The following NHS variants were observed in gnomAD, a reference collection of about 807,000 sequenced individuals.
The protein encoded by NHS is NHS actin remodeling regulator, also known as actin remodeling regulator NHS.
Under a neutral mutation model 72.5 loss-of-function variants are expected in NHS, and 5 were observed. The observed-to-expected ratio is 0.07, with a 90% CI of 0.04 to 0.14. The LOEUF (loss-of-function observed/expected upper bound fraction) is 0.14. Ranked by LOEUF, NHS falls within the 10% of genes least tolerant of loss-of-function variation. NHS has a pLI of 1.00. For missense variants in NHS, 1,072 were observed against 1,355.7 expected (o/e 0.79, Z 3.29); for synonymous variants, 464 against 547.7 (o/e 0.85, Z 2.13).
chrX:17,573,780 C>A (rs2065494758), intron 1 of NHS, among the ~76,000 whole-genome samples: 1 of 111,478 alleles, frequency 9.0e-6, no homozygotes, highest in Non-Finnish European at 1.9e-5. Context: ...GAATTTTCAG[C>A]CTTTCTGCTC....
At chrX:17,556,221 A>G (rs970797535) in intron 1 of NHS, among the ~76,000 whole-genome samples, 1 of 112,820 alleles carries the variant, frequency 8.9e-6, no homozygotes, top group African/African-American at 3.2e-5. Context: ...GATTGTTCCT[A>G]GAATTCTGAG....
intron 1 of NHS, among the ~76,000 whole-genome samples, chrX:17,499,866 C>T (rs775167261): frequency 1.2e-4 from 13 of 111,688 alleles, no homozygotes; most frequent in East Asian, 5.7e-4. Context: ...AAAGGGGATC[C>T]GGGTGGGGCA....
chrX:17,639,372 G>A (rs972659275), intron 1 of NHS, among the ~76,000 whole-genome samples: 1 of 111,573 alleles, frequency 9.0e-6, no homozygotes, highest in Non-Finnish European at 1.9e-5. Flanking sequence ...ACCACAGACT[G>A]GGTAATTTAT....
rs758791160 is a variant in NHS, at chrX:17,423,611, A to G, written c.565+47289A>G. Among the ~76,000 whole-genome samples the G allele has an allele frequency of 6.3e-5, 7 of 111,753 alleles. No individual in the cohort carries two copies. The East Asian group carries it at 1.7e-3, about 27-fold the overall frequency. ...TGAGTGGGCATCAAAGACACCAGGA[A>G]GGATCCCAGCCCAGTTTCTGGCAAT... On this transcript the variant is annotated intron_variant, in intron 1 of 8. Coordinates refer to ENST00000676302, the MANE Select transcript of NHS (RefSeq NM_001291867.2).
At chrX:17,554,735 C>T (rs1046126721) in intron 1 of NHS, among the ~76,000 whole-genome samples, 2 of 112,513 alleles carry the variant, frequency 1.8e-5, no homozygotes, top group African/African-American at 6.5e-5. Context: ...GTTGTCCCAA[C>T]CAAATGATTC....
At chrX:17,482,277 G>A (rs1486195593) in intron 1 of NHS, among the ~76,000 whole-genome samples, 1 of 111,557 alleles carries the variant, frequency 9.0e-6, no homozygotes, top group African/African-American at 3.3e-5. Flanking sequence ...GACATCTCAG[G>A]GCTTTTTTAG....
At chrX:17,714,888 A>G (rs975528406) in intron 3 of NHS, among the ~76,000 whole-genome samples, 1 of 112,470 alleles carries the variant, frequency 8.9e-6, no homozygotes, top group African/African-American at 3.2e-5. Context: ...TTCTTAGATA[A>G]TTTAGAAAAA....
rs1386162957 is a variant in NHS, at chrX:17,541,166, T to G, written c.566-146576T>G. On this transcript the variant is annotated intron_variant, in intron 1 of 8. Transcript: ENST00000676302. ...CCATGTGACTTTCTCCACAATGCCA[T>G]GTGATAGACACTGCCATTGTTCTCA... Among the ~76,000 whole-genome samples the G allele has an allele frequency of 1.8e-5, 2 of 112,327 alleles. 1 individual carries two copies. Among genetic ancestry groups the G allele is most frequent in the South Asian group, 7.5e-4 (2 of 2,677 alleles).
At chrX:17,475,400 A>G (rs2146905955) in intron 1 of NHS, among the ~76,000 whole-genome samples, 1 of 112,751 alleles carries the variant, frequency 8.9e-6, no homozygotes, top group Admixed American at 9.4e-5. Flanking sequence ...GTTCTTTCAG[A>G]TAATGACCTG....
chrX:17,662,955 A>G (rs1212112125), intron 1 of NHS, among the ~76,000 whole-genome samples: 1 of 111,877 alleles, frequency 8.9e-6, no homozygotes, highest in Non-Finnish European at 1.9e-5. Flanking sequence ...CTGTGTTTGC[A>G]ATGGTGTTGA....
intron 1 of NHS, among the ~76,000 whole-genome samples, chrX:17,539,659 CAG>C (rs767642132): frequency 3.6e-5 from 4 of 111,490 alleles, no homozygotes; most frequent in Non-Finnish European, 5.6e-5. Flanking sequence ...GTAGACAGAA[CAG>C]AGGCTTTGGA....
intron 1 of NHS, among the ~76,000 whole-genome samples, chrX:17,435,292 G>T (rs2064716409): frequency 1.8e-5 from 2 of 111,895 alleles, no homozygotes; most frequent in Non-Finnish European, 1.9e-5. Flanking sequence ...AGGCCAGGAG[G>T]AGTAAAGCAC....
chrX:17,677,563 G>A (rs184049225), intron 1 of NHS, among the ~76,000 whole-genome samples: 246 of 111,118 alleles, frequency 2.2e-3, no homozygotes, highest in African/African-American at 7.5e-3. Flanking sequence ...GGAAAGGACA[G>A]CCCAGTTCAT....
At chrX:17,413,702 C>T (rs2146860646) in intron 1 of NHS, among the ~76,000 whole-genome samples, 1 of 111,700 alleles carries the variant, frequency 9.0e-6, no homozygotes, top group Non-Finnish European at 1.9e-5. Context: ...CCTGTTTGTC[C>T]TCGGGGGAGC....
chrX:17,726,886 T>C lies in NHS; in HGVS notation c.2780T>C (p.Leu927Ser). Residue 927 changes from leucine to serine, a missense_variant, in exon 7 of 9, where the codon TTA (leucine) becomes TCA (serine). By Grantham distance (145) the Leu-to-Ser change is moderately radical. Coordinates refer to ENST00000676302, the MANE Select transcript of NHS (RefSeq NM_001291867.2). ...QSEQGIKEPQ[L>S]DASDIPPFKD... ...GAACAAGGCATTAAGGAACCTCAGT[T>C]AGATGCTTCGGATATTCCACCATTC... 8.3e-7 allele frequency: 1 copy of C among 1,211,872 alleles called. No individual in the cohort carries two copies. The highest frequency in any genetic ancestry group is 1.8e-5 in the South Asian group (1 of 57,000).
intron 2 of NHS, among the ~76,000 whole-genome samples, chrX:17,690,832 T>C (rs1171122392): frequency 1.8e-5 from 2 of 112,468 alleles, no homozygotes; most frequent in Admixed American, 9.4e-5. Flanking sequence ...AATTCTTTAA[T>C]GCTCAGAGCC....
At chrX:17,573,312 C>T (rs1422725915) in intron 1 of NHS, among the ~76,000 whole-genome samples, 1 of 111,527 alleles carries the variant, frequency 9.0e-6, no homozygotes, top group African/African-American at 3.3e-5. Flanking sequence ...CTTTCAGGTA[C>T]ACCAATCAAA....
intron 1 of NHS, among the ~76,000 whole-genome samples, chrX:17,458,611 G>T (rs2146894281): frequency 9.0e-6 from 1 of 110,890 alleles, no homozygotes; most frequent in African/African-American, 3.3e-5. Context: ...TCCTGCCTCA[G>T]CTTCCCGAGT....
At chrX:17,550,793 A>G (rs1601763899) in intron 1 of NHS, among the ~76,000 whole-genome samples, 1 of 111,482 alleles carries the variant, frequency 9.0e-6, no homozygotes, top group East Asian at 2.8e-4. Flanking sequence ...ACTGCTCAAA[A>G]CCATTCAAAG....
Sources: allele counts gnomAD v4.1 joint callset (sites outside exome capture counted in the v4.1 genomes callset), GRCh38; gene constraint gnomAD v4.1.1; transcripts MANE v1.5; gene names NCBI Gene and HGNC (gene_info 2026-07-23, HGNC 2026-07-21).